The following SEC22A variants were observed in gnomAD, a reference collection of about 807,000 sequenced individuals.
SEC22A encodes the protein vesicle-trafficking protein SEC22a.
Under a neutral mutation model 35.3 loss-of-function variants are expected in SEC22A, and 22 were observed. The observed-to-expected ratio is 0.62, with a 90% CI of 0.45 to 0.89. SEC22A has a LOEUF of 0.89. Ranked by LOEUF, SEC22A falls within the 40% of genes least tolerant of loss-of-function variation. The pLI is 0.00. For synonymous variants in SEC22A, 119 were observed against 129.5 expected (o/e 0.92, Z 0.55); for missense variants, 354 against 362.5 (o/e 0.98, Z 0.19).
intron 4 of SEC22A, among the ~76,000 whole-genome samples, chr3:123,234,595 A>AT (rs1169070356): frequency 6.6e-6 from 1 of 152,034 alleles, no homozygotes; most frequent in African/African-American, 2.4e-5. Context: ...CCTCAAAAAA[A>AT]ATATATAAAT....
At chr3:123,262,854 A>C (rs1937924058) in intron 6 of SEC22A, among the ~76,000 whole-genome samples, 1 of 152,186 alleles carries the variant, frequency 6.6e-6, no homozygotes, top group Admixed American at 6.5e-5. Flanking sequence ...TTTCTAATTA[A>C]ACTTTTTATT....
chr3:123,228,145 C>T (rs1342272230), intron 4 of SEC22A, among the ~76,000 whole-genome samples: 3 of 151,876 alleles, frequency 2.0e-5, no homozygotes, highest in African/African-American at 7.3e-5. Context: ...AGTTAGTAAA[C>T]AAGCAGATAA....
intron 2 of SEC22A, among the ~76,000 whole-genome samples, chr3:123,219,647 G>A (rs980517390): frequency 2.0e-5 from 3 of 152,276 alleles, no homozygotes; most frequent in Admixed American, 2.0e-4. Flanking sequence ...CATACTAAGC[G>A]GTCAGTAAAC....
intron 4 of SEC22A, among the ~76,000 whole-genome samples, chr3:123,239,491 CTGTGTCCA>C (rs1280547699): frequency 4.6e-5 from 7 of 152,032 alleles, no homozygotes; most frequent in African/African-American, 7.2e-5. Flanking sequence ...GTTCCCCTTC[CTGTGTCCA>C]TGTGTCCATG....
chr3:123,271,313 AACTT>A (rs1259248333), intron 6 of SEC22A, among the ~76,000 whole-genome samples: 1 of 152,178 alleles, frequency 6.6e-6, no homozygotes, highest in Admixed American at 6.5e-5. Context: ...AAAAATGAAA[AACTT>A]AAGAGGAAAA....
chr3:123,229,711 A>G (rs2108055842), intron 4 of SEC22A, among the ~76,000 whole-genome samples: 1 of 152,134 alleles, frequency 6.6e-6, no homozygotes, highest in East Asian at 1.9e-4. Context: ...AAAATACAAA[A>G]ATTAGCTGAG....
chr3:123,269,673 C>G (rs1489142732), intron 6 of SEC22A, among the ~76,000 whole-genome samples: 1 of 142,532 alleles, frequency 7.0e-6, no homozygotes, highest in Non-Finnish European at 1.5e-5. Context: ...TGCTCTGTTG[C>G]CCAGGCTGGA....
At chr3:123,206,330 G>A (rs1397130332) in intron 1 of SEC22A, among the ~76,000 whole-genome samples, 1 of 152,110 alleles carries the variant, frequency 6.6e-6, no homozygotes. Flanking sequence ...CTGGCCTCAA[G>A]CAGTGTTGGG....
chr3:123,238,722 C>A (rs1937471904), intron 4 of SEC22A, among the ~76,000 whole-genome samples: 1 of 151,896 alleles, frequency 6.6e-6, no homozygotes, highest in Non-Finnish European at 1.5e-5. Context: ...TTTTGTATTT[C>A]TTGACTTTTT....
intron 3 of SEC22A, 66 bp downstream of exon 3, chr3:123,223,788 A>T: frequency 8.3e-7 from 1 of 1,198,078 alleles, no homozygotes; most frequent in Non-Finnish European, 1.2e-6. Context: ...TTTTAAATCT[A>T]ATATTGGGTG....
At chr3:123,255,110 C>T (rs918874097) in intron 5 of SEC22A, among the ~76,000 whole-genome samples, 20 of 152,210 alleles carry the variant, frequency 1.3e-4, no homozygotes, top group African/African-American at 4.6e-4. Context: ...CCTCATCTGT[C>T]ATTATGTTCT....
intron 2 of SEC22A, among the ~76,000 whole-genome samples, chr3:123,213,342 A>T (rs1274186155): frequency 6.6e-6 from 1 of 152,194 alleles, no homozygotes; most frequent in African/African-American, 2.4e-5. Flanking sequence ...CTCACACCAC[A>T]ACTGTTTTTC....
At chr3:123,242,701 G>T (rs1268094043) in intron 4 of SEC22A, among the ~76,000 whole-genome samples, 3 of 152,012 alleles carry the variant, frequency 2.0e-5, no homozygotes, top group Non-Finnish European at 4.4e-5. Flanking sequence ...TTGTGAAGAT[G>T]GCCCTTCTGG....
chr3:123,207,729 C>T (rs528456124), intron 1 of SEC22A, among the ~76,000 whole-genome samples: 1 of 152,290 alleles, frequency 6.6e-6, no homozygotes, highest in African/African-American at 2.4e-5. Flanking sequence ...AGTTTGAGAG[C>T]CACTGTGTAT....
intron 4 of SEC22A, among the ~76,000 whole-genome samples, chr3:123,231,076 C>A (rs1937317670): frequency 6.6e-6 from 1 of 152,098 alleles, no homozygotes; most frequent in Non-Finnish European, 1.5e-5. Flanking sequence ...TAAAGCATGA[C>A]ATTTTATAAT....
intron 1 of SEC22A, 52 bp from the exon 2 acceptor site, chr3:123,209,147 A>G: frequency 7.1e-7 from 1 of 1,408,788 alleles, no homozygotes; most frequent in Non-Finnish European, 1.0e-6. Flanking sequence ...ACATATGCTT[A>G]TCAAGTTTGG....
At chr3:123,246,884 C>T (rs974166596) in intron 5 of SEC22A, among the ~76,000 whole-genome samples, 1 of 152,180 alleles carries the variant, frequency 6.6e-6, no homozygotes, top group Admixed American at 6.5e-5. Flanking sequence ...GGGGAACCCT[C>T]AGAGGGTATC....
At chr3:123,252,407 A>G (rs911894998) in intron 5 of SEC22A, among the ~76,000 whole-genome samples, 1 of 152,168 alleles carries the variant, frequency 6.6e-6, no homozygotes, top group South Asian at 2.1e-4. Flanking sequence ...CAGTGGTGTT[A>G]TTCATATCAC....
intron 4 of SEC22A, among the ~76,000 whole-genome samples, chr3:123,240,244 C>A (rs571771337): frequency 6.6e-6 from 1 of 152,206 alleles, no homozygotes; most frequent in Non-Finnish European, 1.5e-5. Flanking sequence ...TTACTAAACA[C>A]CCTTATCACA....
Sources: gnomAD v4.1 joint callset for allele counts (sites outside exome capture counted in the v4.1 genomes callset) on GRCh38, gnomAD v4.1.1 for gene constraint, MANE v1.5 for transcripts, NCBI Gene and HGNC (gene_info 2026-07-23, HGNC 2026-07-21) for gene names.